Variants in COG2 observed in about 807,000 individuals in gnomAD.
COG2 encodes component of oligomeric golgi complex 2, also known as conserved oligomeric Golgi complex subunit 2.
A neutral mutation model predicts 90.6 loss-of-function variants in COG2; 52 were observed. That is an observed-to-expected ratio of 0.57 (90% CI 0.46 to 0.72). COG2 has a LOEUF of 0.72. COG2 is among the 30% of genes least tolerant of loss of function. The pLI, the probability that COG2 is intolerant of heterozygous loss-of-function variation, is 0.00. For synonymous variants in COG2, 337 were observed against 320.4 expected, an observed-to-expected ratio of 1.05 and a Z score of -0.55; for missense variants, 829 against 891.2, an observed-to-expected ratio of 0.93 and a Z score of 0.89.
chr1:230,685,780 C>T (rs1319628324), intron 12 of COG2, among the ~76,000 whole-genome samples: 2 of 152,178 alleles, frequency 1.3e-5, no homozygotes, highest in South Asian at 2.1e-4. Flanking sequence ...TCCACAAGGG[C>T]GTTGGTCCAG....
chr1:230,652,029 G>A (rs1186455960), intron 1 of COG2, among the ~76,000 whole-genome samples: 1 of 152,114 alleles, frequency 6.6e-6, no homozygotes, highest in Non-Finnish European at 1.5e-5. Context: ...TTTAACTGAA[G>A]TGCCATAGTT....
At chr1:230,691,212 CAT>C (rs752644384) in intron 16 of COG2, among the ~76,000 whole-genome samples, 170 bp from the exon 17 acceptor site, 2 of 151,758 alleles carry the variant, frequency 1.3e-5, no homozygotes, top group South Asian at 2.1e-4. Context: ...TATATATACA[CAT>C]ATATATATAA....
intron 7 of COG2, chr1:230,670,813 A>AC (rs1301209299): frequency 6.6e-6 from 1 of 152,086 alleles, no homozygotes; most frequent in Non-Finnish European, 1.5e-5. Context: ...AGGTTTTGCC[A>AC]TGTTGTCCAA....
At chr1:230,673,818 G>C (rs1000772286) in intron 8 of COG2, among the ~76,000 whole-genome samples, 4 of 152,116 alleles carry the variant, frequency 2.6e-5, no homozygotes, top group Admixed American at 2.0e-4. Context: ...TTATTTGCTA[G>C]CTCTTCCTGG....
rs748427323 is a variant in COG2, at chr1:230,687,134, T to G, written c.1578+2T>G. ...GACCTGGACAAGCTTCAGGAGCAGGTAAGCCTGTGTCCCAGAATAATTCCA... is the reference window on the plus strand; with the variant it reads ...GACCTGGACAAGCTTCAGGAGCAGGGAAGCCTGTGTCCCAGAATAATTCCA... On this transcript the variant is annotated splice_donor_variant, in intron 13 of 17. Coordinates refer to ENST00000366669, the MANE Select transcript of COG2 (RefSeq NM_007357.3). LOFTEE classifies it high-confidence loss of function. The G allele has an allele frequency of 6.2e-7, 1 of 1,607,186 alleles. No homozygotes were observed. The highest frequency in any genetic ancestry group is 8.5e-7 in the Non-Finnish European group (1 of 1,175,874).
chr1:230,687,906 A>G (rs893756916), intron 13 of COG2, 165 bp from the exon 14 acceptor site: 3 of 571,696 alleles, frequency 5.2e-6, no homozygotes, highest in Non-Finnish European at 9.2e-6. Context: ...TTTTTATAGT[A>G]AAAGCATTAA....
rs1485023717 is a variant in COG2 at position 230,682,907 on chromosome 1, C to CAT, written c.1167-664_1167-663dup. On this transcript the variant is annotated intron_variant, in intron 10 of 17. Transcript: ENST00000366669. ...TTTCACAAAGTCATAAAAACATGTC[C>CAT]ATATCCATTATTAGAACAGAAGTCT... 3 of 152,264 alleles carry CAT rather than the reference C, an allele frequency of 2.0e-5. No homozygotes were observed. The East Asian group carries it at 5.8e-4, about 29-fold the overall frequency. The allele number at this position is 152,264 out of a possible 1,614,324, so 9.4% of individuals were successfully genotyped here. A position where few individuals can be genotyped will look rare whatever the true frequency, so the allele number is the denominator to read the frequency against.
At chr1:230,651,267 T>G (rs1166374656) in intron 1 of COG2, among the ~76,000 whole-genome samples, 6 of 152,062 alleles carry the variant, frequency 3.9e-5, no homozygotes, top group Non-Finnish European at 8.8e-5. Flanking sequence ...TTGGGGAACA[T>G]TTTACTTTTT....
At position 230,685,008 on chromosome 1, in the gene COG2, C is replaced by T. The variant is rs1052767632; in HGVS notation, c.1229-77C>T. 42 of 1,283,144 alleles carry T rather than the reference C, an allele frequency of 3.3e-5. No homozygotes were observed. The African/African-American group carries it at 5.0e-4, about 15-fold the overall frequency. 79.5% of individuals were successfully genotyped at this position (1,283,144 alleles called of 1,614,324 possible). ...TTTTCTTTACCTTTGAATCGTACAT[C>T]GGAAGTCTCACATTAGACTATAGCC... is the stretch of plus-strand genomic sequence containing the variant. On this transcript the variant is annotated intron_variant, in intron 11 of 17. Transcript: ENST00000366669.
intron 10 of COG2, 40 bp downstream of exon 10, chr1:230,679,092 A>G (rs746665643): frequency 1.3e-6 from 2 of 1,568,856 alleles, no homozygotes; most frequent in Non-Finnish European, 1.7e-6. Flanking sequence ...GCACCCTTCT[A>G]AAACAGAATT....
chr1:230,657,693 T>C (rs12407795), intron 1 of COG2, among the ~76,000 whole-genome samples: 8,156 of 152,270 alleles, frequency 0.054, 247 homozygotes, highest in Middle Eastern at 0.088. Flanking sequence ...CCCGTCACTT[T>C]CGGGTACACC....
At chr1:230,680,985 T>C (rs1662731266) in intron 10 of COG2, 1 of 152,178 alleles carries the variant, frequency 6.6e-6, no homozygotes, top group Non-Finnish European at 1.5e-5. Context: ...AGTTTTCTGC[T>C]CCTGGATCTG....
chr1:230,642,914 G>A, intron 1 of COG2: 1 of 532,398 alleles, frequency 1.9e-6, no homozygotes, highest in East Asian at 3.3e-5. Flanking sequence ...GAAAGTTCTG[G>A]GCAAGTGGTT....
chr1:230,674,096 G>T (rs1469867875), intron 8 of COG2, among the ~76,000 whole-genome samples: 1 of 152,192 alleles, frequency 6.6e-6, no homozygotes, highest in Admixed American at 6.5e-5. Context: ...TGTTTGCCTA[G>T]AATGGATGTT....
intron 1 of COG2, among the ~76,000 whole-genome samples, chr1:230,648,015 G>A (rs1329670290): frequency 6.6e-6 from 1 of 152,094 alleles, no homozygotes; most frequent in Non-Finnish European, 1.5e-5. Context: ...GGCAACCCAG[G>A]GCCATTATCT....
chr1:230,675,213 G>T, intron 9 of COG2, 89 bp downstream of exon 9: 1 of 1,415,832 alleles, frequency 7.1e-7, no homozygotes, highest in Non-Finnish European at 9.3e-7. Flanking sequence ...TCTTGGTTCT[G>T]TGGTTTATTA....
chr1:230,681,702 A>G (rs113122247), intron 10 of COG2: 9 of 152,354 alleles, frequency 5.9e-5, no homozygotes, highest in African/African-American at 1.7e-4. Flanking sequence ...TGAAAACCAC[A>G]GCATGGCTTT....
intron 1 of COG2, among the ~76,000 whole-genome samples, chr1:230,643,671 G>A (rs1194616421): frequency 6.6e-6 from 1 of 151,762 alleles, no homozygotes; most frequent in East Asian, 1.9e-4. Flanking sequence ...TTTTAAAGTA[G>A]ATCTGTATCT....
chr1:230,681,014 A>T (rs1662732082), intron 10 of COG2: 1 of 152,204 alleles, frequency 6.6e-6, no homozygotes. Context: ...CCCACATCCC[A>T]ATCACCTTCA....
Sources: allele counts gnomAD v4.1 joint callset (sites outside exome capture counted in the v4.1 genomes callset), GRCh38; gene constraint gnomAD v4.1.1; transcripts MANE v1.5; gene names NCBI Gene and HGNC (gene_info 2026-07-23, HGNC 2026-07-21).